The following FRAS1 variants were observed in gnomAD, a reference collection of about 807,000 sequenced individuals.
The protein encoded by FRAS1 is extracellular matrix organizing protein FRAS1.
In FRAS1, 290 loss-of-function variants were observed where a neutral mutation model predicts 435.2. That is an observed-to-expected ratio of 0.67 (90% CI 0.61 to 0.73). FRAS1 has a LOEUF of 0.73. FRAS1 is among the 30% of genes least tolerant of loss of function. FRAS1 has a pLI of 0.00. For synonymous variants in FRAS1, 1,800 were observed against 1,851.0 expected (o/e 0.97, Z 0.71); for missense variants, 4,860 against 5,001.5 (o/e 0.97, Z 0.85).
chr4:78,474,609 T>G (rs1163091488), intron 53 of FRAS1, among the ~76,000 whole-genome samples: 1 of 152,236 alleles, frequency 6.6e-6, no homozygotes, highest in African/African-American at 2.4e-5. Context: ...TCATCCCTTT[T>G]TCTGGACAAC....
At position 78,541,903 on chromosome 4, in the gene FRAS1, G is replaced by C. The variant is rs541646222; in HGVS notation, c.*779G>C. The C allele has an allele frequency of 6.6e-6, 1 of 152,348 alleles. No homozygotes were observed. The highest frequency in any genetic ancestry group is 6.5e-5 in the Admixed American group (1 of 15,298). The allele number at this position is 152,348 out of a possible 1,614,324, so 9.4% of individuals were successfully genotyped here. ...GTTCCCAACTAGTTTATGTGGCACTGAGACATCCATCCCTGACCAAGGATG... is the reference window on the plus strand; with the variant it reads ...GTTCCCAACTAGTTTATGTGGCACTCAGACATCCATCCCTGACCAAGGATG... On this transcript the variant is annotated 3_prime_UTR_variant, in exon 74 of 74. Coordinates refer to ENST00000512123, the MANE Select transcript of FRAS1 (RefSeq NM_025074.7).
intron 1 of FRAS1, 32 bp from the exon 2 acceptor site, chr4:78,065,953 C>T: frequency 3.2e-6 from 5 of 1,569,510 alleles, no homozygotes; most frequent in Non-Finnish European, 4.4e-6. Flanking sequence ...ATTATGCATC[C>T]CTTTTAATTC....
At chr4:78,253,108 C>G (rs769602250) in intron 5 of FRAS1, among the ~76,000 whole-genome samples, 2 of 152,138 alleles carry the variant, frequency 1.3e-5, no homozygotes, top group South Asian at 4.2e-4. Flanking sequence ...GTTTATAGAC[C>G]TCCCCCCAGG....
chr4:78,183,730 CTT>C (rs1491326345), intron 2 of FRAS1, among the ~76,000 whole-genome samples: 2 of 78,630 alleles, frequency 2.5e-5, no homozygotes, highest in African/African-American at 8.1e-5. Context: ...TTTTCATTCT[CTT>C]TGTGTGTGTG....
chr4:78,479,528 C>T lies in FRAS1; in HGVS notation c.8253C>T (p.Ser2751=). Residue 2751 remains serine (S), a synonymous_variant, in exon 56 of 74, where the codon TCC becomes TCT. Coordinates refer to ENST00000512123, the MANE Select transcript of FRAS1 (RefSeq NM_025074.7). ...TATTCGGGCCTGGTGTGACCATGTC[C>T]ACCTGTGATGTCATGCTTATTGATG... ...RVIFGPGVTM[S]TCDVMLIDDS... 2 of 1,613,930 alleles carry T rather than the reference C, an allele frequency of 1.2e-6. No individual in the cohort carries two copies. The highest frequency in any genetic ancestry group is 1.7e-6 in the Non-Finnish European group (2 of 1,179,816).
chr4:78,429,244 G>C lies in FRAS1; in HGVS notation c.4843+18G>C. 6.3e-7 allele frequency: 1 copy of C among 1,598,662 alleles called. No individual in the cohort carries two copies. ...TTCTGTAGGTAAGAACTGGGAGCCT[G>C]ATAGAAACATGGCTTTGGAAATGGG... On this transcript the variant is annotated intron_variant, in intron 36 of 73. Coordinates refer to ENST00000512123, the MANE Select transcript of FRAS1 (RefSeq NM_025074.7).
chr4:78,071,060 G>C (rs1740326864), intron 2 of FRAS1: 1 of 152,192 alleles, frequency 6.6e-6, no homozygotes, highest in Non-Finnish European at 1.5e-5. Context: ...TCCTACTTGG[G>C]ATACTTTTGC....
intron 6 of FRAS1, among the ~76,000 whole-genome samples, chr4:78,262,694 T>G (rs984925847): frequency 6.6e-6 from 1 of 152,164 alleles, no homozygotes; most frequent in Non-Finnish European, 1.5e-5. Context: ...ATAAACTTCT[T>G]TATCATAAGT....
chr4:78,184,204 C>A (rs1722177333), intron 2 of FRAS1, among the ~76,000 whole-genome samples: 1 of 152,142 alleles, frequency 6.6e-6, no homozygotes, highest in South Asian at 2.1e-4. Context: ...ACTGGAGAAA[C>A]AGAACCAGCA....
intron 2 of FRAS1, among the ~76,000 whole-genome samples, chr4:78,089,565 A>C (rs946803682): frequency 4.6e-5 from 7 of 152,294 alleles, no homozygotes; most frequent in African/African-American, 1.7e-4. Flanking sequence ...CTCTTTGCAC[A>C]TTCCAAGTTT....
At chr4:78,367,593 C>T (rs931442528) in intron 22 of FRAS1, among the ~76,000 whole-genome samples, 12 of 152,030 alleles carry the variant, frequency 7.9e-5, no homozygotes, top group African/African-American at 2.7e-4. Flanking sequence ...TGCATATCAT[C>T]ACATTTTTAG....
In FRAS1 at chr4:78,330,064, G is replaced by A. The variant is rs546759888; in HGVS notation, c.2138-3208G>A. 1.2e-4 allele frequency among the ~76,000 whole-genome samples: 19 copies of A among 152,332 alleles called. No individual in the cohort carries two copies. In the South Asian group the frequency reaches 3.9e-3, roughly 32 times the overall value. On this transcript the variant is annotated intron_variant, in intron 18 of 73. Transcript: ENST00000512123. ...AAAAAGAAGGGGAGAGATGTTGTGG[G>A]AAGTCAGGGACCCCAAACAGAGGGA...
intron 32 of FRAS1, among the ~76,000 whole-genome samples, chr4:78,413,518 C>T (rs956266407): frequency 1.3e-5 from 2 of 152,182 alleles, no homozygotes; most frequent in African/African-American, 4.8e-5. Context: ...AGAGAAGGTT[C>T]TGTCAATGCT....
At chr4:78,066,115 GTTTA>G (rs1740025427) in intron 2 of FRAS1, 99 bp downstream of exon 2, 1 of 842,642 alleles carries the variant, frequency 1.2e-6, no homozygotes, top group Non-Finnish European at 2.0e-6. Context: ...TGTAGAATAT[GTTTA>G]TTTTTCTTCA....
chr4:78,420,879 C>CATATATATATAT lies in FRAS1; in HGVS notation c.4541-953_4541-942dup, dbSNP rs72430754. ...CTCTAGAGGGACAGAACTAATAGGA[C>CATATATATATAT]ATATATATATATATATATATATATA... On this transcript the variant is annotated intron_variant, in intron 33 of 73. Transcript: ENST00000512123. 2.1e-3 allele frequency among the ~76,000 whole-genome samples: 203 copies of CATATATATATAT among 95,378 alleles called. 1 individual carries two copies. Among genetic ancestry groups the CATATATATATAT allele is most frequent in the East Asian group, 4.0e-3 (5 of 1,252 alleles). The allele number at this position is 95,378 out of a possible 152,430, so 62.6% of individuals were successfully genotyped here. A position where few individuals can be genotyped will look rare whatever the true frequency, so the allele number is the denominator to read the frequency against.
chr4:78,179,043 G>C (rs1306284986), intron 2 of FRAS1, among the ~76,000 whole-genome samples: 1 of 152,158 alleles, frequency 6.6e-6, no homozygotes, highest in Non-Finnish European at 1.5e-5. Flanking sequence ...GTATCTCACT[G>C]TTCCCACCTA....
chr4:78,338,080 G>C, intron 20 of FRAS1: 2 of 414,392 alleles, frequency 4.8e-6, no homozygotes, highest in Non-Finnish European at 9.0e-6. Flanking sequence ...GATGATAATA[G>C]CACCTTTATA....
chr4:78,125,290 T>G (rs1376238952), intron 2 of FRAS1, among the ~76,000 whole-genome samples: 1 of 152,206 alleles, frequency 6.6e-6, no homozygotes, highest in Non-Finnish European at 1.5e-5. Context: ...TCCATGTAAT[T>G]GTGTGGTTTT....
At chr4:78,328,440 T>C (rs983060403) in intron 18 of FRAS1, among the ~76,000 whole-genome samples, 15 of 152,196 alleles carry the variant, frequency 9.9e-5, no homozygotes, top group Non-Finnish European at 2.1e-4. Flanking sequence ...TCAAGATGCT[T>C]CCCCCATATT....
Sources: allele counts gnomAD v4.1 joint callset (sites outside exome capture counted in the v4.1 genomes callset), GRCh38; gene constraint gnomAD v4.1.1; transcripts MANE v1.5; gene names NCBI Gene and HGNC (gene_info 2026-07-23, HGNC 2026-07-21).